CEP85L: variants seen among roughly 807,000 people sequenced by gnomAD.
The protein encoded by CEP85L is centrosomal protein of 85 kDa-like.
In CEP85L, 60 loss-of-function variants were observed where a neutral mutation model predicts 100.3. That is an observed-to-expected ratio of 0.60 (90% CI 0.49 to 0.74). The LOEUF (loss-of-function observed/expected upper bound fraction) is 0.74, where lower values mean the gene tolerates loss of function less well. CEP85L is among the 30% of genes least tolerant of loss of function. The pLI, the probability that CEP85L is intolerant of heterozygous loss-of-function variation, is 0.00. For missense variants in CEP85L, 973 were observed against 936.2 expected, an observed-to-expected ratio of 1.04 and a Z score of -0.51; for synonymous variants, 319 against 322.7, an observed-to-expected ratio of 0.99 and a Z score of 0.12.
intron 2 of CEP85L, among the ~76,000 whole-genome samples, chr6:118,615,682 C>G (rs1307547817): frequency 6.6e-6 from 1 of 152,124 alleles, no homozygotes; most frequent in Non-Finnish European, 1.5e-5. Context: ...GGCCTTGGAC[C>G]AAATGGTATC....
At chr6:118,533,561 TC>T (rs1004625571) in intron 3 of CEP85L, among the ~76,000 whole-genome samples, 4 of 151,952 alleles carry the variant, frequency 2.6e-5, no homozygotes, top group African/African-American at 9.7e-5. Context: ...CTCCACGAAC[TC>T]AGAGGCGGAA....
chr6:118,594,835 G>A (rs1170860676), intron 2 of CEP85L, among the ~76,000 whole-genome samples: 13 of 133,370 alleles, frequency 9.7e-5, no homozygotes, highest in African/African-American at 3.2e-4. Flanking sequence ...CAGCCAGGGC[G>A]ACACAGCGAG....
chr6:118,478,607 G>T (rs1024081671), intron 10 of CEP85L, among the ~76,000 whole-genome samples: 1 of 152,034 alleles, frequency 6.6e-6, no homozygotes, highest in African/African-American at 2.4e-5. Context: ...TAGTGTCTAG[G>T]CCCAAATATT....
chr6:118,672,509 G>A (rs982522725), intron 1 of CEP85L, among the ~76,000 whole-genome samples: 3 of 152,150 alleles, frequency 2.0e-5, no homozygotes, highest in African/African-American at 7.2e-5. Flanking sequence ...GCTCACATCT[G>A]TAATCCCAGC....
At chr6:118,516,744 A>G (rs1776304833) in intron 4 of CEP85L, among the ~76,000 whole-genome samples, 1 of 152,124 alleles carries the variant, frequency 6.6e-6, no homozygotes, top group South Asian at 2.1e-4. Flanking sequence ...GAAGCTCTTT[A>G]GTTTAATTAG....
chr6:118,541,279 A>G (rs145763803), intron 3 of CEP85L, among the ~76,000 whole-genome samples: 115 of 152,342 alleles, frequency 7.5e-4, no homozygotes, highest in African/African-American at 2.7e-3. Context: ...TGAGATGTTC[A>G]TGCCCTTTTG....
At chr6:118,592,757 T>C (rs1037777802) in intron 2 of CEP85L, among the ~76,000 whole-genome samples, 1 of 152,110 alleles carries the variant, frequency 6.6e-6, no homozygotes, top group African/African-American at 2.4e-5. Context: ...AAATAGTAAA[T>C]GCTCAATAAA....
At chr6:118,608,319 C>T (rs1191027361) in intron 2 of CEP85L, among the ~76,000 whole-genome samples, 3 of 152,072 alleles carry the variant, frequency 2.0e-5, no homozygotes, top group African/African-American at 7.2e-5. Context: ...CACGGTGAAA[C>T]CCCATCTCTA....
intron 6 of CEP85L, among the ~76,000 whole-genome samples, chr6:118,484,214 G>C (rs1774007879): frequency 6.6e-6 from 1 of 152,194 alleles, no homozygotes; most frequent in Non-Finnish European, 1.5e-5. Context: ...TACTTGAAAG[G>C]CTGAGGTATG....
intron 2 of CEP85L, among the ~76,000 whole-genome samples, chr6:118,578,372 T>C (rs1422127835): frequency 2.6e-5 from 4 of 152,308 alleles, no homozygotes; most frequent in Middle Eastern, 6.8e-3. Flanking sequence ...ATTGGGTTAA[T>C]TTAGATTGTT....
chr6:118,625,555 A>G (rs1364368663), intron 2 of CEP85L, among the ~76,000 whole-genome samples: 1 of 152,178 alleles, frequency 6.6e-6, no homozygotes, highest in African/African-American at 2.4e-5. Context: ...TAATTCTCTG[A>G]CTGGGGTGGC....
At chr6:118,594,634 C>T (rs543258762) in intron 2 of CEP85L, among the ~76,000 whole-genome samples, 2 of 151,784 alleles carry the variant, frequency 1.3e-5, no homozygotes, top group Non-Finnish European at 2.9e-5. Flanking sequence ...TTTGGGAGGC[C>T]GAGGCTGGTG....
intron 3 of CEP85L, among the ~76,000 whole-genome samples, chr6:118,550,260 TTTAA>T (rs1234466029): frequency 2.0e-5 from 3 of 151,886 alleles, no homozygotes; most frequent in South Asian, 2.1e-4. Context: ...TAATCATATC[TTTAA>T]TTAGTGAGAT....
chr6:118,641,035 G>T (rs1774837073), intron 1 of CEP85L, among the ~76,000 whole-genome samples: 1 of 152,118 alleles, frequency 6.6e-6, no homozygotes, highest in Non-Finnish European at 1.5e-5. Context: ...CTGAGCATGT[G>T]TAACTTTAAT....
rs56893664 is a variant in CEP85L at position 118,505,409 on chromosome 6, C to CAAAAAAAAAAAAAAAAAA, written c.1257+5871_1257+5888dup. Among the ~76,000 whole-genome samples the CAAAAAAAAAAAAAAAAAA allele has an allele frequency of 8.4e-5, 6 of 71,822 alleles. 1 individual carries two copies. Among genetic ancestry groups the CAAAAAAAAAAAAAAAAAA allele is most frequent in the Non-Finnish European group, 1.4e-4 (5 of 35,896 alleles). The allele number at this position is 71,822 out of a possible 152,430, so 47.1% of individuals were successfully genotyped here. On this transcript the variant is annotated intron_variant, in intron 5 of 12. Transcript: ENST00000368491. ...TGAGCCAAGATCACGTCACTGTACT[C>CAAAAAAAAAAAAAAAAAA]AAAAAAAAAAAAAAAAAAAAAAAAA...
Position 118,651,307 on chromosome 6 carries a change from C to G in CEP85L, c.-38G>C. ...GGCCGGGTGGGCCAGGGACGCCCGA[C>G]TCCTCACGTCCGTCCTCCTGCTTCT... On this transcript the variant is annotated 5_prime_UTR_variant, in exon 1 of 13. Transcript: ENST00000368491. 1 of 1,435,036 alleles carries G rather than the reference C, an allele frequency of 7.0e-7. No homozygotes were observed. The highest frequency in any genetic ancestry group is 1.5e-5 in the African/African-American group (1 of 66,990). The allele number at this position is 1,435,036 out of a possible 1,614,324, so 88.9% of individuals were successfully genotyped here.
At chr6:118,575,279 A>G (rs1780156454) in intron 2 of CEP85L, among the ~76,000 whole-genome samples, 1 of 152,144 alleles carries the variant, frequency 6.6e-6, no homozygotes, top group African/African-American at 2.4e-5. Flanking sequence ...AAAGCACCAA[A>G]CATAAAAAGA....
chr6:118,497,664 C>T (rs562556346), intron 5 of CEP85L, among the ~76,000 whole-genome samples: 9 of 152,112 alleles, frequency 5.9e-5, no homozygotes, highest in African/African-American at 1.7e-4. Context: ...CCTTCAAGAG[C>T]GAAAGAGAAA....
At chr6:118,567,340 CTATATT>C (rs1178184218) in intron 2 of CEP85L, among the ~76,000 whole-genome samples, 1 of 148,368 alleles carries the variant, frequency 6.7e-6, no homozygotes, top group African/African-American at 2.5e-5. Flanking sequence ...TCCTTTCTCT[CTATATT>C]TATTAAATCC....
Sources: gnomAD v4.1 joint callset for allele counts (sites outside exome capture counted in the v4.1 genomes callset) on GRCh38, gnomAD v4.1.1 for gene constraint, MANE v1.5 for transcripts, NCBI Gene and HGNC (gene_info 2026-07-23, HGNC 2026-07-21) for gene names.